The following TIMM9 variants were observed in gnomAD, a reference collection of about 807,000 sequenced individuals.
TIMM9 encodes the protein translocase of inner mitochondrial membrane 9, also known as mitochondrial import inner membrane translocase subunit Tim9.
A neutral mutation model predicts 13.4 loss-of-function variants in TIMM9; 10 were observed. The ratio of observed to expected loss-of-function variants is 0.75; its 90% CI spans 0.46 to 1.26. TIMM9 has a LOEUF of 1.26. Among genes scored for constraint, TIMM9 ranks in the 50% most tolerant of loss-of-function variants. The pLI is 0.00. For missense variants in TIMM9, 87 were observed against 100.8 expected, an observed-to-expected ratio of 0.86 and a Z score of 0.58; for synonymous variants, 32 against 32.1, an observed-to-expected ratio of 1.00 and a Z score of 0.01.
intron 3 of TIMM9, among the ~76,000 whole-genome samples, chr14:58,423,204 T>C (rs1158855844): frequency 1.3e-5 from 2 of 151,868 alleles, no homozygotes; most frequent in African/African-American, 4.8e-5. Context: ...CTATCCTCGG[T>C]AGTCACCAGT....
At chr14:58,417,320 AAGAG>A (rs764709498) in intron 3 of TIMM9, among the ~76,000 whole-genome samples, 4 of 151,862 alleles carry the variant, frequency 2.6e-5, no homozygotes, top group African/African-American at 9.7e-5. Context: ...AAAGAAAAGA[AAGAG>A]AGAAAAGAAA....
chr14:58,419,644 GCCTGGAATT>G (rs1490231195), intron 3 of TIMM9, among the ~76,000 whole-genome samples: 4 of 151,844 alleles, frequency 2.6e-5, no homozygotes, highest in Admixed American at 6.6e-5. Flanking sequence ...GGTGGCTCAT[GCCTGGAATT>G]CTAGCACTTT....
Position 58,423,410 on chromosome 14 carries a change from C to G in TIMM9, c.-27+598G>C, listed in dbSNP as rs1031423179. Among the ~76,000 whole-genome samples the G allele has an allele frequency of 4.1e-5, 6 of 147,116 alleles. No homozygotes were observed. In the South Asian group the frequency reaches 1.3e-3, roughly 32 times the overall value. ...GCACATGCCTATAATCGCAGCTACT[C>G]GGGAGGCTGAGGCAGAACTGCTTGA... On this transcript the variant is annotated intron_variant, in intron 3 of 5. Coordinates refer to ENST00000395159, the MANE Select transcript of TIMM9 (RefSeq NM_012460.4).
intron 3 of TIMM9, among the ~76,000 whole-genome samples, chr14:58,418,399 A>G (rs1169463420): frequency 6.6e-6 from 1 of 152,368 alleles, no homozygotes; most frequent in East Asian, 1.9e-4. Context: ...GATTGTGAGC[A>G]AGGACAGATG....
intron 4 of TIMM9, 126 bp from the exon 5 acceptor site, chr14:58,411,064 C>T (rs2036199447): frequency 1.5e-6 from 1 of 670,798 alleles, no homozygotes; most frequent in African/African-American, 1.8e-5. Flanking sequence ...AGTTATTATG[C>T]TAACTTAAAT....
chr14:58,425,912 G>A (rs188497018), intron 2 of TIMM9, among the ~76,000 whole-genome samples: 11 of 151,948 alleles, frequency 7.2e-5, no homozygotes, highest in Non-Finnish European at 1.3e-4. Context: ...TCAGGAGTTC[G>A]AGACCAACCT....
chr14:58,413,533 G>T (rs944601664), intron 3 of TIMM9, among the ~76,000 whole-genome samples: 7 of 152,076 alleles, frequency 4.6e-5, no homozygotes, highest in African/African-American at 7.2e-5. Context: ...AATCTAACGT[G>T]GCGGCAACAG....
Position 58,408,769 on chromosome 14 carries a change from C to G in TIMM9, c.*265G>C. ...ATTGAAGAAACAATGGTTTATTTTT[C>G]TAATCAAGTGACCAAGCTGCTGAAT... On this transcript the variant is annotated 3_prime_UTR_variant, in exon 6 of 6. Coordinates refer to ENST00000395159, the MANE Select transcript of TIMM9 (RefSeq NM_012460.4). 1.4e-6 allele frequency: 1 copy of G among 702,856 alleles called. No individual in the cohort carries two copies. Among genetic ancestry groups the G allele is most frequent in the South Asian group, 2.3e-5 (1 of 43,434 alleles). 43.5% of individuals were successfully genotyped at this position (702,856 alleles called of 1,614,324 possible).
intron 5 of TIMM9, among the ~76,000 whole-genome samples, chr14:58,410,222 C>T (rs1303493165): frequency 6.6e-6 from 1 of 152,000 alleles, no homozygotes; most frequent in Non-Finnish European, 1.5e-5. Flanking sequence ...AGGCATGTAC[C>T]AACATGTCTA....
chr14:58,412,613 A>T (rs540087047), intron 3 of TIMM9, among the ~76,000 whole-genome samples: 28 of 152,222 alleles, frequency 1.8e-4, no homozygotes, highest in South Asian at 6.2e-4. Flanking sequence ...AAAAATAATT[A>T]AAAAAAGCTG....
intron 3 of TIMM9, among the ~76,000 whole-genome samples, chr14:58,415,586 A>T (rs1180050693): frequency 6.6e-6 from 1 of 152,214 alleles, no homozygotes; most frequent in Non-Finnish European, 1.5e-5. Flanking sequence ...CAATGAATAA[A>T]ATCAATAGGA....
At position 58,427,525 on chromosome 14, in the gene TIMM9, C is replaced by CTA. The variant is rs1329154142; in HGVS notation, c.-439_-438dup. On this transcript the variant is annotated 5_prime_UTR_variant, in exon 1 of 6. Transcript: ENST00000395159. ...TAGAGCGGTCTTGTGCGGCAATGTG[C>CTA]TACCTTAAAATAAATAAATAAATAA... 40 of 1,475,502 alleles carry CTA rather than the reference C, an allele frequency of 2.7e-5. No homozygotes were observed. Among genetic ancestry groups the CTA allele is most frequent in the Non-Finnish European group, 2.8e-5 (31 of 1,093,896 alleles). 91.4% of individuals were successfully genotyped at this position (1,475,502 alleles called of 1,614,324 possible).
intron 3 of TIMM9, 80 bp downstream of exon 3, chr14:58,423,927 AT>A (rs2140344416): frequency 6.6e-6 from 1 of 152,314 alleles, no homozygotes; most frequent in South Asian, 2.1e-4. Context: ...TGATGCTGTT[AT>A]TCTTGTGGCA....
At chr14:58,410,687 C>T (rs2036187201) in intron 5 of TIMM9, among the ~76,000 whole-genome samples, 156 bp downstream of exon 5, 3 of 152,142 alleles carry the variant, frequency 2.0e-5, no homozygotes, top group South Asian at 2.1e-4. Context: ...AACTCAATGC[C>T]GTGGTTCAGT....
chr14:58,422,099 A>G (rs1429982995), intron 3 of TIMM9, among the ~76,000 whole-genome samples: 4 of 150,552 alleles, frequency 2.7e-5, no homozygotes, highest in South Asian at 2.1e-4. Flanking sequence ...GGTCAGAGAG[A>G]CAGAAAGTAT....
At chr14:58,409,704 G>A (rs371085276) in intron 5 of TIMM9, among the ~76,000 whole-genome samples, 1 of 151,780 alleles carries the variant, frequency 6.6e-6, no homozygotes, top group African/African-American at 2.4e-5. Flanking sequence ...TCAGCATCCC[G>A]AGTAGCTGGG....
intron 3 of TIMM9, among the ~76,000 whole-genome samples, chr14:58,419,141 T>G (rs531931753): frequency 7.9e-4 from 120 of 152,126 alleles, no homozygotes; most frequent in African/African-American, 2.8e-3. Context: ...ACAAAGAATC[T>G]AATAACAGAT....
In TIMM9 at chr14:58,412,429, C is replaced by T. The variant is rs146372216; in HGVS notation, c.-26-458G>A. Among the ~76,000 whole-genome samples the T allele has an allele frequency of 4.7e-4, 72 of 152,326 alleles. No homozygotes were observed. The East Asian group carries it at 0.01, about 22-fold the overall frequency. On this transcript the variant is annotated intron_variant, in intron 3 of 5. Coordinates refer to ENST00000395159, the MANE Select transcript of TIMM9 (RefSeq NM_012460.4). ...TGCTGGGATTACAGGCGTTAGCCGC[C>T]GTGCCCGGCCAGAGAATTAGATTTT...
rs576698866 is a variant in TIMM9 at position 58,427,423 on chromosome 14, C to A, written c.-335G>T. ...CCACGTCCCTAACGGTCTTCGGAAG[C>A]GAAGCAGTGTCAACAGTCCCTGGTA... On this transcript the variant is annotated 5_prime_UTR_variant, in exon 1 of 6. Transcript: ENST00000395159. The A allele has an allele frequency of 1.0e-4, 61 of 608,790 alleles. 1 individual carries two copies. The highest frequency in any genetic ancestry group is 8.9e-4 in the South Asian group (42 of 47,258). 37.7% of individuals were successfully genotyped at this position (608,790 alleles called of 1,614,324 possible). A position where few individuals can be genotyped will look rare whatever the true frequency, so the allele number is the denominator to read the frequency against.
Sources: allele counts gnomAD v4.1 joint callset (sites outside exome capture counted in the v4.1 genomes callset), GRCh38; gene constraint gnomAD v4.1.1; transcripts MANE v1.5; gene names NCBI Gene and HGNC (gene_info 2026-07-23, HGNC 2026-07-21).